The following MACROD2 variants were observed in gnomAD, a reference collection of about 807,000 sequenced individuals.
MACROD2 encodes the protein mono-ADP ribosylhydrolase 2.
MACROD2 carries 36 observed loss-of-function variants against 70.4 expected under a neutral mutation model. The ratio of observed to expected loss-of-function variants is 0.51; its 90% CI spans 0.39 to 0.68. MACROD2 has a LOEUF of 0.68. MACROD2 is among the 30% of genes least tolerant of loss of function. The pLI, the probability that MACROD2 is intolerant of heterozygous loss-of-function variation, is 0.00. For missense variants in MACROD2, 496 were observed against 538.4 expected (o/e 0.92, Z 0.78); for synonymous variants, 172 against 178.8 (o/e 0.96, Z 0.30).
intron 5 of MACROD2, among the ~76,000 whole-genome samples, chr20:15,102,863 G>T (rs1423949416): frequency 6.6e-6 from 1 of 151,986 alleles, no homozygotes. Context: ...GAAAATAGAT[G>T]ATCTGGAGTC....
At chr20:15,890,893 G>A (rs897234587) in intron 10 of MACROD2, among the ~76,000 whole-genome samples, 1 of 152,142 alleles carries the variant, frequency 6.6e-6, no homozygotes, top group Non-Finnish European at 1.5e-5. Context: ...TAAAGAAAGG[G>A]CTGGGGAAGT....
chr20:14,425,995 T>C (rs191969876), intron 3 of MACROD2, among the ~76,000 whole-genome samples: 12 of 152,340 alleles, frequency 7.9e-5, no homozygotes, highest in Admixed American at 5.9e-4. Flanking sequence ...ATTGTTTTTG[T>C]TTTTTCTCCT....
intron 3 of MACROD2, among the ~76,000 whole-genome samples, chr20:14,449,847 T>A (rs1164887355): frequency 6.6e-6 from 1 of 152,104 alleles, no homozygotes; most frequent in Non-Finnish European, 1.5e-5. Flanking sequence ...CCTATGTTCT[T>A]ATTAGCAACA....
rs1023611735 is a variant in MACROD2, at chr20:13,995,829, C to CT, written c.46+21dup. 3 of 601,048 alleles carry CT rather than the reference C, an allele frequency of 5.0e-6. No individual in the cohort carries two copies. In the African/African-American group the frequency reaches 5.7e-5, roughly 11 times the overall value. The allele number at this position is 601,048 out of a possible 1,614,324, so 37.2% of individuals were successfully genotyped here. The stretch of plus-strand genomic sequence containing the variant: ...AGAAAGGTAACCGGCCCGTCGAGTC[C>CT]TGGGGGTGCGGGCGGTGGGGGTTAG... On this transcript the variant is annotated intron_variant, in intron 1 of 17. Coordinates refer to ENST00000684519, the MANE Select transcript of MACROD2 (RefSeq NM_001351661.2). The surrounding 1 kb of genome is among the most constrained non-coding windows in gnomAD (Gnocchi z 4.3).
intron 5 of MACROD2, among the ~76,000 whole-genome samples, chr20:14,815,511 G>A (rs80192365): frequency 0.071 from 10,740 of 151,870 alleles, 537 homozygotes; most frequent in East Asian, 0.2. Context: ...GTGTGTGCAC[G>A]CACATGTGCA....
At chr20:15,210,435 G>C (rs2145945853) in intron 5 of MACROD2, among the ~76,000 whole-genome samples, 1 of 152,032 alleles carries the variant, frequency 6.6e-6, no homozygotes, top group South Asian at 2.1e-4. Flanking sequence ...TCTGGGCACA[G>C]TCAATATCAA....
At chr20:14,179,713 A>G (rs1224750554) in intron 3 of MACROD2, among the ~76,000 whole-genome samples, 2 of 152,144 alleles carry the variant, frequency 1.3e-5, no homozygotes, top group African/African-American at 4.8e-5. Context: ...TTTACCAAAG[A>G]TATGATATTT....
At chr20:14,586,666 C>T (rs1217844600) in intron 4 of MACROD2, among the ~76,000 whole-genome samples, 1 of 152,036 alleles carries the variant, frequency 6.6e-6, no homozygotes, top group Non-Finnish European at 1.5e-5. Context: ...TTGTTCTTTA[C>T]ACCCTTTGCT....
intron 5 of MACROD2, among the ~76,000 whole-genome samples, chr20:14,854,431 G>A (rs984177164): frequency 2.0e-5 from 3 of 152,020 alleles, no homozygotes; most frequent in Non-Finnish European, 4.4e-5. Flanking sequence ...TAGAATACTG[G>A]TAACTAATAG....
intron 6 of MACROD2, among the ~76,000 whole-genome samples, chr20:15,268,134 G>A (rs1183262721): frequency 1.3e-5 from 2 of 152,104 alleles, no homozygotes; most frequent in Non-Finnish European, 2.9e-5. Flanking sequence ...GAGAAAGAGA[G>A]GAAGAAGCTG....
chr20:14,877,532 T>G (rs1372389033), intron 5 of MACROD2, among the ~76,000 whole-genome samples: 2 of 152,146 alleles, frequency 1.3e-5, no homozygotes, highest in East Asian at 3.9e-4. Flanking sequence ...CTTGTTCCTC[T>G]TCTTAAGGGG....
At chr20:14,194,196 G>A (rs1406266666) in intron 3 of MACROD2, among the ~76,000 whole-genome samples, 1 of 152,130 alleles carries the variant, frequency 6.6e-6, no homozygotes, top group Non-Finnish European at 1.5e-5. Flanking sequence ...GATCTCAGAA[G>A]GTCTGTGGGT....
chr20:15,054,536 T>G (rs1030714919), intron 5 of MACROD2, among the ~76,000 whole-genome samples: 1 of 152,180 alleles, frequency 6.6e-6, no homozygotes, highest in African/African-American at 2.4e-5. Flanking sequence ...TTTTTAGATA[T>G]AATGCTATTG....
intron 5 of MACROD2, chr20:14,892,764 T>G (rs977024136): frequency 6.6e-6 from 1 of 152,142 alleles, no homozygotes; most frequent in African/African-American, 2.4e-5. Context: ...CTGCAGCCTC[T>G]GCCTCCTGGG....
intron 8 of MACROD2, among the ~76,000 whole-genome samples, chr20:15,829,317 T>A (rs1052870241): frequency 6.6e-6 from 1 of 152,168 alleles, no homozygotes; most frequent in Non-Finnish European, 1.5e-5. Flanking sequence ...AGGAAATCCA[T>A]TGCAGCAACT....
chr20:14,795,141 G>A (rs780964516), intron 5 of MACROD2, among the ~76,000 whole-genome samples: 9 of 152,222 alleles, frequency 5.9e-5, no homozygotes, highest in South Asian at 2.1e-4. Flanking sequence ...GGGCCAGACC[G>A]TGAAGGACCT....
At chr20:15,378,068 C>A (rs531240133) in intron 6 of MACROD2, among the ~76,000 whole-genome samples, 1 of 151,526 alleles carries the variant, frequency 6.6e-6, no homozygotes, top group Non-Finnish European at 1.5e-5. Context: ...TGCAGCAAAC[C>A]ACCATGGCAC....
chr20:14,372,953 G>T (rs1277888213), intron 3 of MACROD2, among the ~76,000 whole-genome samples: 2 of 152,006 alleles, frequency 1.3e-5, no homozygotes, highest in Non-Finnish European at 2.9e-5. Context: ...CCTCCCTGGG[G>T]CATACTGTCA....
At chr20:15,130,600 T>A in intron 5 of MACROD2, among the ~76,000 whole-genome samples, 1 of 151,956 alleles carries the variant, frequency 6.6e-6, no homozygotes, top group East Asian at 1.9e-4. Flanking sequence ...GGCATGAAAT[T>A]AGGGGATAAA....
Sources: allele counts gnomAD v4.1 joint callset (sites outside exome capture counted in the v4.1 genomes callset), GRCh38; gene constraint gnomAD v4.1.1; non-coding constraint Gnocchi (gnomAD v3.1); transcripts MANE v1.5; gene names NCBI Gene and HGNC (gene_info 2026-07-23, HGNC 2026-07-21).